The following PTN variants were observed in gnomAD, a reference collection of about 807,000 sequenced individuals.
PTN encodes heparin affin regulatory protein.
PTN carries 18 observed loss-of-function variants against 24.1 expected under a neutral mutation model. That is an observed-to-expected ratio of 0.75 (90% confidence interval 0.52 to 1.11). PTN has a LOEUF of 1.11. Ranked by LOEUF, PTN falls within the 50% of genes least tolerant of loss-of-function variation. The probability of loss-of-function intolerance (pLI) is 0.00; values close to 1 mark genes in which losing one functional copy is unlikely to be tolerated. For missense variants in PTN, 163 were observed against 198.8 expected, an observed-to-expected ratio of 0.82 and a Z score of 1.08; for synonymous variants, 78 against 68.6, an observed-to-expected ratio of 1.14 and a Z score of -0.67.
At chr7:137,241,513 GAAGA>G (rs1208248751) in intron 4 of PTN, among the ~76,000 whole-genome samples, 21 of 152,160 alleles carry the variant, frequency 1.4e-4, no homozygotes, top group Non-Finnish European at 2.6e-4. Flanking sequence ...AATTCATTTG[GAAGA>G]AAGGAAATAG....
intron 4 of PTN, among the ~76,000 whole-genome samples, chr7:137,247,106 GAAGAA>G (rs1218658606): frequency 6.6e-6 from 1 of 152,068 alleles, no homozygotes; most frequent in African/African-American, 2.4e-5. Context: ...TTTCCTGAAG[GAAGAA>G]AATAATTTAT....
chr7:137,244,015 C>T (rs1266578617), intron 4 of PTN, among the ~76,000 whole-genome samples: 3 of 152,110 alleles, frequency 2.0e-5, no homozygotes, highest in Non-Finnish European at 2.9e-5. Context: ...TTTTGCTTAA[C>T]GAGCTAGAGT....
chr7:137,277,932 TAGATAGATAGATAGATA>T (rs1809391799), intron 1 of PTN, among the ~76,000 whole-genome samples: 2 of 151,866 alleles, frequency 1.3e-5, no homozygotes, highest in African/African-American at 4.8e-5. Context: ...GATAGATAGA[TAGATAGATAGATAGATA>T]GATAGATGCA....
At chr7:137,330,952 T>C (rs946538101) in intron 1 of PTN, among the ~76,000 whole-genome samples, 11 of 152,302 alleles carry the variant, frequency 7.2e-5, no homozygotes, top group Middle Eastern at 3.4e-3. Flanking sequence ...TCCTTTTTAG[T>C]GGCAGAAGCC....
At chr7:137,265,046 G>A (rs1454384347) in intron 1 of PTN, among the ~76,000 whole-genome samples, 1 of 150,960 alleles carries the variant, frequency 6.6e-6, no homozygotes, top group Non-Finnish European at 1.5e-5. Context: ...GGCTGGGGCC[G>A]ACCTGAGTTT....
chr7:137,301,027 G>A (rs965023599), intron 1 of PTN, among the ~76,000 whole-genome samples: 3 of 150,000 alleles, frequency 2.0e-5, no homozygotes, highest in Non-Finnish European at 4.5e-5. Flanking sequence ...AGGATAGTTT[G>A]GGTAATTACA....
chr7:137,316,982 C>A (rs1810083589), intron 1 of PTN, among the ~76,000 whole-genome samples: 1 of 152,166 alleles, frequency 6.6e-6, no homozygotes, highest in African/African-American at 2.4e-5. Context: ...TGTCCCCAAG[C>A]CCGGCCTCTC....
chr7:137,255,108 T>C (rs752122964), intron 1 of PTN, 134 bp from the exon 2 acceptor site: 5 of 541,600 alleles, frequency 9.2e-6, no homozygotes, highest in South Asian at 4.9e-5. Flanking sequence ...ATATCAATTA[T>C]CTTGGGTAGA....
At chr7:137,272,270 C>T (rs1232276958) in intron 1 of PTN, among the ~76,000 whole-genome samples, 3 of 152,222 alleles carry the variant, frequency 2.0e-5, no homozygotes, top group Admixed American at 6.5e-5. Flanking sequence ...TCCACTCCTG[C>T]ACCCGATCTA....
At chr7:137,261,034 A>T (rs1809028644) in intron 1 of PTN, among the ~76,000 whole-genome samples, 1 of 152,082 alleles carries the variant, frequency 6.6e-6, no homozygotes, top group Non-Finnish European at 1.5e-5. Context: ...AGTTTTCAAG[A>T]TTATGAATTT....
chr7:137,268,264 G>A (rs1019161724), intron 1 of PTN, among the ~76,000 whole-genome samples: 1 of 152,074 alleles, frequency 6.6e-6, no homozygotes, highest in African/African-American at 2.4e-5. Flanking sequence ...CCCCCGCAGG[G>A]ATGTTCCACA....
At chr7:137,270,436 TTTTA>T (rs1444994880) in intron 1 of PTN, among the ~76,000 whole-genome samples, 1 of 152,242 alleles carries the variant, frequency 6.6e-6, no homozygotes, top group Non-Finnish European at 1.5e-5. Flanking sequence ...CCAGAAATAA[TTTTA>T]TTTTAGTTTA....
At chr7:137,320,908 C>A (rs559983566) in intron 1 of PTN, among the ~76,000 whole-genome samples, 7 of 152,292 alleles carry the variant, frequency 4.6e-5, no homozygotes, top group Non-Finnish European at 8.8e-5. Context: ...TCTTGCCAAG[C>A]AAGCTGGGAT....
chr7:137,277,576 A>G (rs1809381281), intron 1 of PTN, among the ~76,000 whole-genome samples: 1 of 152,118 alleles, frequency 6.6e-6, no homozygotes, highest in Non-Finnish European at 1.5e-5. Context: ...AAGCAAGAAA[A>G]AAAAATTTTT....
At chr7:137,256,941 A>G (rs1808937609) in intron 1 of PTN, among the ~76,000 whole-genome samples, 1 of 152,212 alleles carries the variant, frequency 6.6e-6, no homozygotes, top group Non-Finnish European at 1.5e-5. Context: ...GAGAAATGCA[A>G]ATCAAAACCA....
At chr7:137,243,000 G>A (rs143505956) in intron 4 of PTN, among the ~76,000 whole-genome samples, 4,808 of 152,318 alleles carry the variant, frequency 0.032, 86 homozygotes, top group Middle Eastern at 0.054. Flanking sequence ...GCAGTGGCAC[G>A]ATCTTGACTC....
Position 137,293,392 on chromosome 7 carries a change from T to C in PTN, c.-1-38418A>G, listed in dbSNP as rs144715372. 2.9e-3 allele frequency among the ~76,000 whole-genome samples: 439 copies of C among 152,234 alleles called. 4 individuals are homozygous for C. The highest frequency in any genetic ancestry group is 9.5e-3 in the African/African-American group (396 of 41,560). On this transcript the variant is annotated intron_variant, in intron 1 of 4. Transcript: ENST00000348225. ...GCAGTATAACTATACTGAGGAAGAATTTAAAAAGCAAACACCCCTAAATAC... is the reference window on the plus strand; with the variant it reads ...GCAGTATAACTATACTGAGGAAGAACTTAAAAAGCAAACACCCCTAAATAC...
At chr7:137,338,060 A>G (rs1208861157) in intron 1 of PTN, among the ~76,000 whole-genome samples, 3 of 152,114 alleles carry the variant, frequency 2.0e-5, no homozygotes, top group Admixed American at 1.3e-4. Flanking sequence ...TGAAGTCACT[A>G]TAAGGGGTGA....
In PTN at chr7:137,327,899, G is replaced by A. The variant is rs530748189; in HGVS notation, c.-2+15540C>T. ...TGATTAAAAATCCTTGACAACTGAA[G>A]CAGCCCTCTAAGGATATATGAGAGG... On this transcript the variant is annotated intron_variant, in intron 1 of 4. Coordinates refer to ENST00000348225, the MANE Select transcript of PTN (RefSeq NM_002825.7). Among the ~76,000 whole-genome samples the A allele has an allele frequency of 3.3e-5, 5 of 152,278 alleles. No individual in the cohort carries two copies. In the East Asian group the frequency reaches 9.7e-4, roughly 29 times the overall value.
Sources: gnomAD v4.1 joint callset for allele counts (sites outside exome capture counted in the v4.1 genomes callset) on GRCh38, gnomAD v4.1.1 for gene constraint, MANE v1.5 for transcripts, NCBI Gene and HGNC (gene_info 2026-07-23, HGNC 2026-07-21) for gene names.